HSPG2: variants seen among roughly 807,000 people sequenced by gnomAD.
HSPG2 encodes basement membrane-specific heparan sulfate proteoglycan core protein.
A neutral mutation model predicts 526.6 loss-of-function variants in HSPG2; 278 were observed. That is an observed-to-expected ratio of 0.53 (90% CI 0.48 to 0.58). The LOEUF (loss-of-function observed/expected upper bound fraction) is 0.58, where lower values mean the gene tolerates loss of function less well. Among genes scored for constraint, HSPG2 ranks in the 20% least tolerant of loss-of-function variants. The pLI is 0.00. For missense variants in HSPG2, 5,354 were observed against 6,099.5 expected (o/e 0.88, Z 4.07); for synonymous variants, 2,465 against 2,555.4 (o/e 0.96, Z 1.07).
intron 1 of HSPG2, among the ~76,000 whole-genome samples, chr1:21,924,376 T>A (rs569930426): frequency 3.0e-4 from 46 of 151,950 alleles, no homozygotes; most frequent in African/African-American, 1.1e-3. Flanking sequence ...AAAATAACAG[T>A]GTCAGGGGAA....
rs756944653 is a variant in HSPG2 at position 21,854,885 on chromosome 1, G to A, written c.6096C>T (p.Gly2032=). 2.5e-6 allele frequency: 4 copies of A among 1,614,190 alleles called. No homozygotes were observed. In the Admixed American group the frequency reaches 6.7e-5, roughly 27 times the overall value. ...FYLCVATSPA[G]TAQARIQVVV... The stretch of plus-strand genomic sequence containing the variant: ...CCACTTGGATCCGGGCCTGGGCAGT[G>A]CCTGCAGGGCTGGTGGCCACGCAGA... Residue 2032 remains glycine (G), a synonymous_variant, in exon 48 of 97, where the codon GGC becomes GGT. Coordinates refer to ENST00000374695, the MANE Select transcript of HSPG2 (RefSeq NM_005529.7).
chr1:21,838,028 C>T (rs1421942731), intron 74 of HSPG2, among the ~76,000 whole-genome samples: 1 of 144,714 alleles, frequency 6.9e-6, no homozygotes, highest in Admixed American at 7.4e-5. Context: ...GCCAGCTACT[C>T]GGGAGGCTGA....
chr1:21,841,160 T>A lies in HSPG2; in HGVS notation c.9454A>T (p.Thr3152Ser). The change falls in exon 71 of 97, where the codon ACC becomes TCC. Residue 3152 changes from threonine to serine, a missense_variant. Physicochemically the swap from Thr to Ser is moderately conservative, Grantham distance 58 (BLOSUM62 1). Transcript: ENST00000374695. ...GTCCGCTGCTCCAACTTGGCAGGGG[T>A]GCTGCTGATCCGGGTCCAACGAGCA... ...SSARWTRISS[T>S]PAKLEQRTYG... 1 of 1,613,180 alleles carries A rather than the reference T, an allele frequency of 6.2e-7. No homozygotes were observed. The highest frequency in any genetic ancestry group is 8.5e-7 in the Non-Finnish European group (1 of 1,179,882).
At chr1:21,846,350 A>AACCT in intron 63 of HSPG2, 95 bp from the exon 64 acceptor site, 1 of 1,604,210 alleles carries the variant, frequency 6.2e-7, no homozygotes, top group Non-Finnish European at 8.5e-7. Context: ...ACAGGGGGGT[A>AACCT]CTGCACCCCA....
chr1:21,887,157 C>A lies in HSPG2; in HGVS notation c.1078+58G>T. 6.2e-7 allele frequency: 1 copy of A among 1,603,350 alleles called. No homozygotes were observed. The highest frequency in any genetic ancestry group is 8.5e-7 in the Non-Finnish European group (1 of 1,174,220). On this transcript the variant is annotated intron_variant, in intron 9 of 96. Coordinates refer to ENST00000374695, the MANE Select transcript of HSPG2 (RefSeq NM_005529.7). The surrounding 1 kb of genome is among the most constrained non-coding windows in gnomAD (Gnocchi z 5.0). ...GGCGGGGCAGGAGTGGAAGGCGGGG[C>A]AGGAGCAAGCGGCCTGGGCAGGGCA...
At chr1:21,930,224 A>T (rs1487425762) in intron 1 of HSPG2, among the ~76,000 whole-genome samples, 1 of 152,056 alleles carries the variant, frequency 6.6e-6, no homozygotes, top group Non-Finnish European at 1.5e-5. Context: ...CTTTCCATTG[A>T]TATCTGCGAG....
rs1323216460 is a variant in HSPG2 at position 21,890,990 on chromosome 1, GA to G, written c.245-297del. 6.6e-6 allele frequency among the ~76,000 whole-genome samples: 1 copy of G among 152,254 alleles called. No individual in the cohort carries two copies. The highest frequency in any genetic ancestry group is 6.5e-5 in the Admixed American group (1 of 15,290). ...CACAGTTCAGAGGAAGGCTGGACAA[GA>G]AGGGGTGGCTCCCAGAGGGAGTTGG... is the stretch of plus-strand genomic sequence containing the variant. On this transcript the variant is annotated intron_variant, in intron 3 of 96. Coordinates refer to ENST00000374695, the MANE Select transcript of HSPG2 (RefSeq NM_005529.7). This position sits in a 1 kb window ranked among gnomAD's most constrained non-coding sequence, Gnocchi z 4.1.
rs762267177 is a variant in HSPG2, at chr1:21,859,647, G to C, written c.5212C>G (p.Pro1738Ala). 14 of 1,608,836 alleles carry C rather than the reference G, an allele frequency of 8.7e-6. No individual in the cohort carries two copies. In the South Asian group the frequency reaches 8.9e-5, roughly 10 times the overall value. The stretch of plus-strand genomic sequence containing the variant: ...CAAATGTAGACCCCAGCATCCGAGG[G>C]CTGGACGCTGGGGAAGTGGAGCTCG... The part of the protein sequence containing the change: ...GSELHFPSVQ[P>A]SDAGVYICTC... Residue 1738 changes from proline (P) to alanine (A), a missense_variant, in exon 42 of 97, where the codon CCC becomes GCC. Pro to Ala is a conservative substitution (Grantham distance 27, BLOSUM62 -1). Coordinates refer to ENST00000374695, the MANE Select transcript of HSPG2 (RefSeq NM_005529.7). The surrounding 1 kb of genome is among the most constrained non-coding windows in gnomAD (Gnocchi z 5.3).
At chr1:21,862,761 T>C (rs1639893834) in intron 37 of HSPG2, among the ~76,000 whole-genome samples, 1 of 152,014 alleles carries the variant, frequency 6.6e-6, no homozygotes, top group African/African-American at 2.4e-5. Context: ...ACTCAGGTAT[T>C]TGGGGGCAGA....
rs1639399024 is a variant in HSPG2, at chr1:21,857,068, G to A, written c.5522C>T (p.Thr1841Ile). The stretch of plus-strand genomic sequence containing the variant: ...GTCCATGGCAAACATGTTGGAGCCG[G>A]TGCACACGTAGGTGCCTGCATCACT... ...QLSDAGTYVC[T>I]GSNMFAMDQG... Residue 1841 changes from threonine to isoleucine, a missense_variant, in exon 44 of 97, where the codon ACC (threonine) becomes ATC (isoleucine). Thr to Ile is a moderately conservative substitution (Grantham distance 89, BLOSUM62 -1). Coordinates refer to ENST00000374695, the MANE Select transcript of HSPG2 (RefSeq NM_005529.7). 3 of 1,614,188 alleles carry A rather than the reference G, an allele frequency of 1.9e-6. No individual in the cohort carries two copies. The South Asian group carries it at 3.3e-5, about 18-fold the overall frequency.
intron 3 of HSPG2, among the ~76,000 whole-genome samples, chr1:21,891,774 C>G (rs1027109977): frequency 5.3e-5 from 8 of 152,280 alleles, no homozygotes; most frequent in African/African-American, 1.9e-4. Flanking sequence ...CCATGCCCAG[C>G]TAATGTTTTG....
chr1:21,920,416 C>T (rs1234437011), intron 1 of HSPG2, among the ~76,000 whole-genome samples: 1 of 152,246 alleles, frequency 6.6e-6, no homozygotes, highest in African/African-American at 2.4e-5. Context: ...GCCCCTCAGG[C>T]CAGTCACCGG....
rs2097954088 is a variant in HSPG2, at chr1:21,822,415, C to T, written c.*901G>A. ...AGATGGGGCAGGGTGGTCATATCCCCCTCCTCTCTCTCTCAGTCGTGAGTC... is the reference window on the plus strand; with the variant it reads ...AGATGGGGCAGGGTGGTCATATCCCTCTCCTCTCTCTCTCAGTCGTGAGTC... On this transcript the variant is annotated 3_prime_UTR_variant, in exon 97 of 97. Transcript: ENST00000374695. The T allele has an allele frequency of 1.7e-6, 1 of 605,848 alleles. No individual in the cohort carries two copies. Among genetic ancestry groups the T allele is most frequent in the Non-Finnish European group, 3.0e-6 (1 of 337,884 alleles). The allele number at this position is 605,848 out of a possible 1,614,324, so 37.5% of individuals were successfully genotyped here. A position where few individuals can be genotyped will look rare whatever the true frequency, so the allele number is the denominator to read the frequency against.
chr1:21,837,983 A>G (rs2098033405), intron 74 of HSPG2, among the ~76,000 whole-genome samples: 1 of 151,972 alleles, frequency 6.6e-6, no homozygotes, highest in South Asian at 2.1e-4. Flanking sequence ...TAAAAACACA[A>G]AAATTAGCCA....
rs1467360404 is a variant in HSPG2 at position 21,895,434 on chromosome 1, G to A, written c.244+488C>T. 6.6e-6 allele frequency among the ~76,000 whole-genome samples: 1 copy of A among 152,124 alleles called. No individual in the cohort carries two copies. Among genetic ancestry groups the A allele is most frequent in the African/African-American group, 2.4e-5 (1 of 41,416 alleles). On this transcript the variant is annotated intron_variant, in intron 3 of 96. Coordinates refer to ENST00000374695, the MANE Select transcript of HSPG2 (RefSeq NM_005529.7). The surrounding 1 kb of genome is among the most constrained non-coding windows in gnomAD (Gnocchi z 4.1). Reference sequence around the variant, plus strand: ...TTCCCAGCCGATGACCCACCTTAAGGCAAGGTTCTCTCCCAAGCCTAGCGT... The same window carrying A: ...TTCCCAGCCGATGACCCACCTTAAGACAAGGTTCTCTCCCAAGCCTAGCGT...
intron 50 of HSPG2, among the ~76,000 whole-genome samples, chr1:21,853,296 T>G (rs1240982160): frequency 6.6e-6 from 1 of 152,140 alleles, no homozygotes; most frequent in East Asian, 1.9e-4. Flanking sequence ...ACCCATGACT[T>G]CTTGATGATG....
intron 1 of HSPG2, among the ~76,000 whole-genome samples, chr1:21,915,479 G>T (rs1364919967): frequency 6.6e-6 from 1 of 152,168 alleles, no homozygotes; most frequent in African/African-American, 2.4e-5. Context: ...TTATGGGTGT[G>T]GTCAGGCAAA....
intron 13 of HSPG2, among the ~76,000 whole-genome samples, chr1:21,884,101 T>C (rs1456358536): frequency 1.3e-5 from 2 of 152,150 alleles, no homozygotes; most frequent in South Asian, 2.1e-4. Flanking sequence ...GTGCTGAAAA[T>C]GCGCTGAGCA....
intron 44 of HSPG2, among the ~76,000 whole-genome samples, chr1:21,856,528 C>T (rs961969931): frequency 6.9e-6 from 1 of 144,644 alleles, no homozygotes; most frequent in Non-Finnish European, 1.5e-5. Context: ...AGCGATTCTC[C>T]TGCCTCAGCC....
Sources: gnomAD v4.1 joint callset for allele counts (sites outside exome capture counted in the v4.1 genomes callset) on GRCh38, gnomAD v4.1.1 for gene constraint, Gnocchi (gnomAD v3.1) non-coding constraint, MANE v1.5 for transcripts, NCBI Gene and HGNC (gene_info 2026-07-23, HGNC 2026-07-21) for gene names.